KIDINS220: variants seen among roughly 807,000 people sequenced by gnomAD.
The protein encoded by KIDINS220 is kinase D-interacting substrate of 220 kDa.
A neutral mutation model predicts 157.6 loss-of-function variants in KIDINS220; 63 were observed. The ratio of observed to expected loss-of-function variants is 0.40; its 90% CI spans 0.33 to 0.49. The LOEUF is 0.49. Ranked by LOEUF, KIDINS220 falls within the 20% of genes least tolerant of loss-of-function variation. The pLI, the probability that KIDINS220 is intolerant of heterozygous loss-of-function variation, is 0.66. For missense variants in KIDINS220, 1,772 were observed against 2,171.2 expected, an observed-to-expected ratio of 0.82 and a Z score of 3.65; for synonymous variants, 732 against 783.6, an observed-to-expected ratio of 0.93 and a Z score of 1.10.
chr2:8,832,631 C>T (rs1045328721), intron 1 of KIDINS220, among the ~76,000 whole-genome samples: 2 of 152,144 alleles, frequency 1.3e-5, no homozygotes, highest in East Asian at 1.9e-4. Flanking sequence ...TGCCTTCACG[C>T]GTCTTTGTGC....
At chr2:8,734,525 T>TA (rs1664601381) in intron 28 of KIDINS220, 130 bp downstream of exon 28, 2 of 610,458 alleles carry the variant, frequency 3.3e-6, no homozygotes, top group South Asian at 2.7e-5. Context: ...TTTTTAAATT[T>TA]AAAAAAATAT....
chr2:8,834,698 C>A (rs928258042), intron 1 of KIDINS220, among the ~76,000 whole-genome samples: 1 of 152,154 alleles, frequency 6.6e-6, no homozygotes. Flanking sequence ...AATGAATGGA[C>A]ATGCCCAAGC....
In KIDINS220 at chr2:8,791,153, T is replaced by C; in HGVS notation, c.1348A>G (p.Ile450Val). Reference sequence around the variant, plus strand: ...GGCTGCATGGTAGGCTCACTGAGAATATCTGCCAGGGCACTGCTATATAAA... The same window carrying C: ...GGCTGCATGGTAGGCTCACTGAGAACATCTGCCAGGGCACTGCTATATAAA... ...YDLYSSALAD[I>V]LSEPTMQPPI... The change falls in exon 13 of 30, where the codon ATT (isoleucine) becomes GTT (valine). Residue 450 changes from isoleucine (I) to valine (V), a missense_variant. Around this residue, in one of 3 missense-constraint regions of KIDINS220, gnomAD observed 725 missense variants for 1,017.1 expected, o/e 0.71. Coordinates refer to ENST00000256707, the MANE Select transcript of KIDINS220 (RefSeq NM_020738.4). 2 of 1,614,168 alleles carry C rather than the reference T, an allele frequency of 1.2e-6. No individual in the cohort carries two copies. Among genetic ancestry groups the C allele is most frequent in the East Asian group, 2.2e-5 (1 of 44,884 alleles).
chr2:8,734,598 T>G, intron 28 of KIDINS220, 57 bp downstream of exon 28: 1 of 1,200,988 alleles, frequency 8.3e-7, no homozygotes, highest in African/African-American at 1.5e-5. Context: ...TTATAAATAA[T>G]TTTGAATGTT....
chr2:8,778,828 G>A, intron 19 of KIDINS220, 68 bp downstream of exon 19: 4 of 1,599,654 alleles, frequency 2.5e-6, no homozygotes, highest in Non-Finnish European at 3.4e-6. Flanking sequence ...AAGGTAAAAA[G>A]GAGAGTCGCC....
At chr2:8,781,498 C>T (rs183966904) in intron 17 of KIDINS220, among the ~76,000 whole-genome samples, 2 of 151,998 alleles carry the variant, frequency 1.3e-5, no homozygotes, top group East Asian at 3.9e-4. Flanking sequence ...AAAGCATTCA[C>T]CAAGATGGAC....
At chr2:8,816,006 C>G (rs1677030975) in intron 4 of KIDINS220, among the ~76,000 whole-genome samples, 1 of 152,068 alleles carries the variant, frequency 6.6e-6, no homozygotes, top group South Asian at 2.1e-4. Context: ...GTTACTACCA[C>G]CCACCCACCC....
At chr2:8,763,482 T>A (rs141394326) in intron 22 of KIDINS220, among the ~76,000 whole-genome samples, 54 of 152,328 alleles carry the variant, frequency 3.5e-4, no homozygotes, top group African/African-American at 1.1e-3. Flanking sequence ...ATTAGGGATA[T>A]GCAACCTGCA....
intron 15 of KIDINS220, among the ~76,000 whole-genome samples, chr2:8,786,971 TTC>T (rs1050441819): frequency 3.3e-5 from 5 of 152,216 alleles, no homozygotes; most frequent in Admixed American, 1.3e-4. Flanking sequence ...TCATTATTAT[TTC>T]TGTTAGTTCC....
chr2:8,755,627 T>C (rs953543916), intron 22 of KIDINS220, among the ~76,000 whole-genome samples: 6 of 152,224 alleles, frequency 3.9e-5, no homozygotes, highest in African/African-American at 1.2e-4. Flanking sequence ...TGGGAAAGCA[T>C]AGGTTGATCC....
intron 17 of KIDINS220, among the ~76,000 whole-genome samples, chr2:8,780,158 T>C (rs1178674355): frequency 1.3e-5 from 2 of 152,224 alleles, no homozygotes; most frequent in African/African-American, 2.4e-5. Flanking sequence ...ATCAAAGCAC[T>C]ACACTGCTGC....
At chr2:8,773,258 G>A (rs750501365) in intron 21 of KIDINS220, among the ~76,000 whole-genome samples, 2 of 152,068 alleles carry the variant, frequency 1.3e-5, no homozygotes, top group African/African-American at 4.8e-5. Flanking sequence ...AGAGAAATTC[G>A]TACATTTGAA....
chr2:8,788,618 GA>G (rs1389080858), intron 15 of KIDINS220, 28 bp downstream of exon 15: 2 of 1,592,498 alleles, frequency 1.3e-6, no homozygotes, highest in South Asian at 2.3e-5. Flanking sequence ...TCTCATTGAA[GA>G]TTTCTTCTGT....
At chr2:8,746,612 A>T (rs1666618315) in intron 26 of KIDINS220, 1 of 152,140 alleles carries the variant, frequency 6.6e-6, no homozygotes, top group Non-Finnish European at 1.5e-5. Context: ...GACAAAGAAA[A>T]GTATTATAAC....
intron 26 of KIDINS220, chr2:8,746,851 G>A (rs996407687): frequency 9.3e-6 from 3 of 322,546 alleles, no homozygotes; most frequent in Non-Finnish European, 1.1e-5. Context: ...TACTACCAAC[G>A]GAACACCCCT....
At chr2:8,787,376 CTT>C (rs374784127) in intron 15 of KIDINS220, among the ~76,000 whole-genome samples, 1 of 144,708 alleles carries the variant, frequency 6.9e-6, no homozygotes. Flanking sequence ...TCTTTTAATG[CTT>C]TTTTTTTTTG....
intron 2 of KIDINS220, among the ~76,000 whole-genome samples, chr2:8,821,754 TAA>T (rs1007436607): frequency 1.3e-5 from 2 of 152,220 alleles, no homozygotes; most frequent in African/African-American, 4.8e-5. Flanking sequence ...AAGGCTGCCA[TAA>T]AGTTTTATAG....
downstream of KIDINS220, chr2:8,725,180 A>G (rs1663198472): frequency 6.6e-6 from 1 of 152,244 alleles, no homozygotes; most frequent in Non-Finnish European, 1.5e-5. Context: ...TCAAAATAAA[A>G]ATAGTTTAAT....
At chr2:8,767,045 T>A (rs1373100744) in intron 22 of KIDINS220, among the ~76,000 whole-genome samples, 1 of 152,224 alleles carries the variant, frequency 6.6e-6, no homozygotes. Context: ...GTCATTTATT[T>A]CTGTCCAGAT....
Sources: allele counts gnomAD v4.1 joint callset (sites outside exome capture counted in the v4.1 genomes callset), GRCh38; gene constraint gnomAD v4.1.1; regional missense constraint gnomAD v4.1.1; transcripts MANE v1.5; gene names NCBI Gene and HGNC (gene_info 2026-07-23, HGNC 2026-07-21).